AGBL1: variants seen among roughly 807,000 people sequenced by gnomAD.
The protein encoded by AGBL1 is cytosolic carboxypeptidase 4.
In AGBL1, 130 loss-of-function variants were observed where a neutral mutation model predicts 118.9. The ratio of observed to expected loss-of-function variants is 1.09; its 90% CI spans 0.95 to 1.26. AGBL1 has a LOEUF of 1.26. AGBL1 is among the 50% of genes most tolerant of loss of function. AGBL1 has a pLI of 0.00. For missense variants in AGBL1, 1,584 were observed against 1,298.1 expected, an observed-to-expected ratio of 1.22 and a Z score of -3.38; for synonymous variants, 555 against 478.9, an observed-to-expected ratio of 1.16 and a Z score of -2.08.
intron 1 of AGBL1, among the ~76,000 whole-genome samples, chr15:86,117,315 C>CT (rs954225504): frequency 2.4e-4 from 36 of 151,898 alleles, no homozygotes; most frequent in Admixed American, 1.8e-3. Context: ...TCCTGACCAA[C>CT]TTTTTTTTCC....
In AGBL1 at chr15:86,541,341, C is replaced by T. The variant is rs1242022007; in HGVS notation, c.2686-4661C>T. 4.6e-5 allele frequency among the ~76,000 whole-genome samples: 7 copies of T among 152,266 alleles called. No homozygotes were observed. The South Asian group carries it at 1.2e-3, about 27-fold the overall frequency. On this transcript the variant is annotated intron_variant, in intron 19 of 22. Transcript: ENST00000614907. ...AATTGCCAGGGTGTGGCTCAGCAGTCTGCTTTAACAAGACCTCCAGGTTAT... is the reference window on the plus strand; with the variant it reads ...AATTGCCAGGGTGTGGCTCAGCAGTTTGCTTTAACAAGACCTCCAGGTTAT...
At chr15:86,742,229 T>G (rs1447970953) in intron 22 of AGBL1, among the ~76,000 whole-genome samples, 1 of 152,162 alleles carries the variant, frequency 6.6e-6, no homozygotes, top group African/African-American at 2.4e-5. Context: ...GAGGATTTCC[T>G]TTTTGTACTT....
chr15:86,876,261 TGGGAA>T (rs781275776), intron 22 of AGBL1, among the ~76,000 whole-genome samples: 3 of 152,012 alleles, frequency 2.0e-5, no homozygotes, highest in Non-Finnish European at 4.4e-5. Flanking sequence ...GGGGGTTGAA[TGGGAA>T]GGTCACAACC....
chr15:86,723,840 T>G (rs2086774985), intron 22 of AGBL1, among the ~76,000 whole-genome samples: 1 of 152,008 alleles, frequency 6.6e-6, no homozygotes. Flanking sequence ...GCAGGACCAA[T>G]GCAGTGGGCG....
At chr15:86,546,163 A>C in intron 20 of AGBL1, 30 bp downstream of exon 20, 1 of 1,595,178 alleles carries the variant, frequency 6.3e-7, no homozygotes, top group Non-Finnish European at 8.6e-7. Flanking sequence ...GACATCAGAC[A>C]TGCTGTGTTC....
At chr15:86,338,623 C>A (rs34877290) in intron 17 of AGBL1, among the ~76,000 whole-genome samples, 67,933 of 151,802 alleles carry the variant, frequency 0.45, 16,534 homozygotes, top group Non-Finnish European at 0.55. Flanking sequence ...GTATTTTGGA[C>A]CCATTTTGAA....
intron 18 of AGBL1, among the ~76,000 whole-genome samples, chr15:86,427,264 G>A (rs1179817518): frequency 6.6e-6 from 1 of 152,218 alleles, no homozygotes; most frequent in Admixed American, 6.5e-5. Flanking sequence ...TTATAAGGGT[G>A]ACGACAAATG....
At chr15:86,823,773 A>C (rs1229488804) in intron 22 of AGBL1, among the ~76,000 whole-genome samples, 1 of 152,242 alleles carries the variant, frequency 6.6e-6, no homozygotes, top group Middle Eastern at 3.4e-3. Flanking sequence ...CAAAGACCCT[A>C]AAGCAAATTT....
At chr15:86,103,453 G>A (rs1043174492) in intron 1 of AGBL1, among the ~76,000 whole-genome samples, 2 of 151,984 alleles carry the variant, frequency 1.3e-5, no homozygotes, top group Non-Finnish European at 2.9e-5. Flanking sequence ...TGATATCTGC[G>A]CATCTGGTAA....
intron 1 of AGBL1, among the ~76,000 whole-genome samples, chr15:86,113,826 C>T (rs1189311295): frequency 6.6e-6 from 1 of 152,200 alleles, no homozygotes; most frequent in Non-Finnish European, 1.5e-5. Flanking sequence ...AGCTTTCTAG[C>T]CCTTCCTCAA....
intron 17 of AGBL1, among the ~76,000 whole-genome samples, chr15:86,396,630 G>A (rs2081368857): frequency 6.6e-6 from 1 of 152,140 alleles, no homozygotes; most frequent in Non-Finnish European, 1.5e-5. Flanking sequence ...TTCTGCTAAG[G>A]AATGAGAGGG....
At chr15:86,174,820 C>T (rs2077461115) in intron 5 of AGBL1, among the ~76,000 whole-genome samples, 1 of 152,060 alleles carries the variant, frequency 6.6e-6, no homozygotes, top group African/African-American at 2.4e-5. Flanking sequence ...ATATGTTGAA[C>T]CATCCTTGCA....
chr15:86,721,457 T>C (rs1040221724), intron 22 of AGBL1, among the ~76,000 whole-genome samples: 2 of 152,182 alleles, frequency 1.3e-5, no homozygotes, highest in African/African-American at 2.4e-5. Flanking sequence ...CAACGCTTCA[T>C]GCTAAAAACT....
chr15:87,022,898 C>A (rs528757001), intron 24 of AGBL1, among the ~76,000 whole-genome samples: 2 of 151,888 alleles, frequency 1.3e-5, no homozygotes, highest in Non-Finnish European at 2.9e-5. Context: ...CTTTTTCAGG[C>A]AAACAAATGC....
At chr15:86,647,140 A>G (rs1039039614) in intron 21 of AGBL1, among the ~76,000 whole-genome samples, 1 of 152,144 alleles carries the variant, frequency 6.6e-6, no homozygotes, top group African/African-American at 2.4e-5. Flanking sequence ...ATAACAATCA[A>G]CCATATTTGA....
intron 22 of AGBL1, among the ~76,000 whole-genome samples, chr15:86,702,005 A>G (rs2086369170): frequency 7.3e-6 from 1 of 137,058 alleles, no homozygotes; most frequent in African/African-American, 2.8e-5. Flanking sequence ...CTTGTGGCTG[A>G]TCTACCCCAA....
intron 1 of AGBL1, among the ~76,000 whole-genome samples, chr15:86,121,979 C>A (rs1041340827): frequency 3.3e-5 from 5 of 152,212 alleles, no homozygotes; most frequent in African/African-American, 1.2e-4. Flanking sequence ...AGCCAGAGAA[C>A]ATTTCAACTC....
intron 16 of AGBL1, among the ~76,000 whole-genome samples, chr15:86,288,969 A>G (rs1246753750): frequency 6.6e-6 from 1 of 152,162 alleles, no homozygotes; most frequent in Non-Finnish European, 1.5e-5. Flanking sequence ...TTGATCTTGA[A>G]TATGGCTTCA....
chr15:86,587,857 C>A (rs923060917), intron 21 of AGBL1, among the ~76,000 whole-genome samples: 2 of 152,164 alleles, frequency 1.3e-5, no homozygotes, highest in Non-Finnish European at 2.9e-5. Flanking sequence ...CCATTAGGAT[C>A]AAAATCACAA....
Sources: allele counts gnomAD v4.1 joint callset (sites outside exome capture counted in the v4.1 genomes callset), GRCh38; gene constraint gnomAD v4.1.1; transcripts MANE v1.5; gene names NCBI Gene and HGNC (gene_info 2026-07-23, HGNC 2026-07-21).